GMPS: variants seen among roughly 807,000 people sequenced by gnomAD.
GMPS encodes the protein GMP synthase [glutamine-hydrolyzing].
GMPS carries 15 observed loss-of-function variants against 77.9 expected under a neutral mutation model. That is an observed-to-expected ratio of 0.19 (90% CI 0.13 to 0.30). GMPS has a LOEUF of 0.30. GMPS is among the 10% of genes least tolerant of loss of function. The pLI, the probability that GMPS is intolerant of heterozygous loss-of-function variation, is 1.00. For missense variants in GMPS, 590 were observed against 838.8 expected (o/e 0.70, Z 3.66); for synonymous variants, 224 against 275.9 (o/e 0.81, Z 1.86).
intron 2 of GMPS, among the ~76,000 whole-genome samples, chr3:155,897,400 A>C (rs1335258753): frequency 6.6e-6 from 1 of 152,214 alleles, no homozygotes; most frequent in Admixed American, 6.5e-5. Context: ...TCCTGGGCTC[A>C]GGGAAAATTG....
At chr3:155,877,466 AT>A (rs767988416) in intron 1 of GMPS, among the ~76,000 whole-genome samples, 2 of 151,922 alleles carry the variant, frequency 1.3e-5, no homozygotes, top group Non-Finnish European at 2.9e-5. Flanking sequence ...ATCACCCCCC[AT>A]TTGTACAGTC....
At chr3:155,872,527 T>G (rs1183557222) in intron 1 of GMPS, among the ~76,000 whole-genome samples, 1 of 152,232 alleles carries the variant, frequency 6.6e-6, no homozygotes, top group Non-Finnish European at 1.5e-5. Context: ...TTTATGGGCT[T>G]TGAAAAATAT....
chr3:155,922,339 A>T lies in GMPS; in HGVS notation c.1434+37A>T, dbSNP rs80273883. The stretch of plus-strand genomic sequence containing the variant: ...TACAGCTAATCATTACAAGAAATTG[A>T]ACGGATTCTTATTATATACCAGCAT... On this transcript the variant is annotated intron_variant, in intron 11 of 15. Transcript: ENST00000496455. 4,128 of 817,258 alleles carry T rather than the reference A, an allele frequency of 5.1e-3. 101 individuals carry two copies. In the African/African-American group the frequency reaches 0.061, roughly 12 times the overall value. The allele number at this position is 817,258 out of a possible 1,614,324, so 50.6% of individuals were successfully genotyped here. A position where few individuals can be genotyped will look rare whatever the true frequency, so the allele number is the denominator to read the frequency against.
chr3:155,870,705 T>A lies in GMPS; in HGVS notation c.-166T>A. On this transcript the variant is annotated 5_prime_UTR_variant, in exon 1 of 16. Coordinates refer to ENST00000496455, the MANE Select transcript of GMPS (RefSeq NM_003875.3). ...GGCGCTGGGGCCCGCGCTCCGCTGC[T>A]GTTGCTCCATTCGGCGCTTTTCTGG... 1.8e-6 allele frequency: 1 copy of A among 549,794 alleles called. No homozygotes were observed. Among genetic ancestry groups the A allele is most frequent in the Non-Finnish European group, 3.2e-6 (1 of 308,672 alleles). 34.1% of individuals were successfully genotyped at this position (549,794 alleles called of 1,614,324 possible). A position where few individuals can be genotyped will look rare whatever the true frequency, so the allele number is the denominator to read the frequency against.
chr3:155,929,410 T>C (rs1369034117), intron 12 of GMPS, among the ~76,000 whole-genome samples: 4 of 151,888 alleles, frequency 2.6e-5, no homozygotes, highest in South Asian at 2.1e-4. Flanking sequence ...CAATATCATA[T>C]TGAATGGGCA....
chr3:155,886,437 T>A (rs1754338487), intron 1 of GMPS, among the ~76,000 whole-genome samples: 2 of 150,974 alleles, frequency 1.3e-5, no homozygotes, highest in African/African-American at 4.9e-5. Flanking sequence ...TAGCCGGGCG[T>A]GGTGGCAGGT....
At chr3:155,911,852 AAAAG>A (rs1186541182) in intron 7 of GMPS, among the ~76,000 whole-genome samples, 1 of 152,008 alleles carries the variant, frequency 6.6e-6, no homozygotes, top group Non-Finnish European at 1.5e-5. Flanking sequence ...AAAAAAAAAA[AAAAG>A]AAATTATCTT....
chr3:155,880,348 A>C (rs1480504821), intron 1 of GMPS, among the ~76,000 whole-genome samples: 1 of 152,150 alleles, frequency 6.6e-6, no homozygotes, highest in Non-Finnish European at 1.5e-5. Flanking sequence ...ACCATGGCAG[A>C]GCTTGACCAT....
At chr3:155,881,170 T>G (rs954801995) in intron 1 of GMPS, among the ~76,000 whole-genome samples, 2 of 142,310 alleles carry the variant, frequency 1.4e-5, no homozygotes, top group African/African-American at 5.1e-5. Context: ...ATTAGTTTTT[T>G]TTTTTTTTTT....
At chr3:155,897,141 A>G (rs560663204) in intron 2 of GMPS, among the ~76,000 whole-genome samples, 1 of 152,290 alleles carries the variant, frequency 6.6e-6, no homozygotes, top group South Asian at 2.1e-4. Context: ...GAAATTCCAG[A>G]AATCTGAATT....
chr3:155,884,751 T>C (rs1476890214), intron 1 of GMPS, among the ~76,000 whole-genome samples: 1 of 152,228 alleles, frequency 6.6e-6, no homozygotes, highest in East Asian at 1.9e-4. Flanking sequence ...CCTGAGAAGA[T>C]AGAATTCATC....
At chr3:155,879,830 A>G (rs1162412607) in intron 1 of GMPS, among the ~76,000 whole-genome samples, 1 of 146,868 alleles carries the variant, frequency 6.8e-6, no homozygotes, top group East Asian at 2.0e-4. Flanking sequence ...TCCTGGGTTC[A>G]AGCAATTCTC....
At chr3:155,905,494 C>T (rs1382848013) in intron 4 of GMPS, among the ~76,000 whole-genome samples, 3 of 152,120 alleles carry the variant, frequency 2.0e-5, no homozygotes, top group Non-Finnish European at 4.4e-5. Context: ...TAGAGGTCCA[C>T]ATTGGTACTG....
chr3:155,898,459 TA>T (rs1754654424), intron 3 of GMPS, among the ~76,000 whole-genome samples: 1 of 152,330 alleles, frequency 6.6e-6, no homozygotes, highest in Non-Finnish European at 1.5e-5. Flanking sequence ...ACAGTACAAC[TA>T]TCCAGGTCAG....
rs183789257 is a variant in GMPS, at chr3:155,886,298, G to A, written c.28-7220G>A. 6.0e-5 allele frequency among the ~76,000 whole-genome samples: 9 copies of A among 150,548 alleles called. No homozygotes were observed. In the East Asian group the frequency reaches 1.8e-3, roughly 31 times the overall value. On this transcript the variant is annotated intron_variant, in intron 1 of 15. Transcript: ENST00000496455. ...ATATAAAAATCTAGCATGTCTGGCT[G>A]AGTGCGGTAGCTCACACCTGTAATC...
At position 155,939,292 on chromosome 3, in the gene GMPS, C is replaced by CTA. The variant is rs1285959293; in HGVS notation, c.*1601_*1602dup. On this transcript the variant is annotated 3_prime_UTR_variant, in exon 16 of 16. Transcript: ENST00000496455. ...GATTTAGAGTCATGTTATTTGAAAG[C>CTA]TAGAATAGACAACCTATAAAATGCT... is the stretch of plus-strand genomic sequence containing the variant. 1.4e-5 allele frequency: 3 copies of CTA among 216,216 alleles called. No individual in the cohort carries two copies. The East Asian group carries it at 2.1e-4, about 15-fold the overall frequency. 13.4% of individuals were successfully genotyped at this position (216,216 alleles called of 1,614,324 possible).
At chr3:155,870,155 T>C (rs1753863637), upstream of GMPS, among the ~76,000 whole-genome samples, 1 of 152,218 alleles carries the variant, frequency 6.6e-6, no homozygotes, top group East Asian at 1.9e-4. Context: ...ATCCTTGAGA[T>C]ATGGCCACGG....
In GMPS at chr3:155,942,024, A is replaced by G. The variant is rs369825197; in HGVS notation, c.*4332A>G. The G allele has an allele frequency of 1.3e-4, 26 of 205,768 alleles. No homozygotes were observed. Among genetic ancestry groups the G allele is most frequent in the African/African-American group, 5.0e-4 (22 of 43,958 alleles). 12.7% of individuals were successfully genotyped at this position (205,768 alleles called of 1,614,324 possible). On this transcript the variant is annotated 3_prime_UTR_variant, in exon 16 of 16. Coordinates refer to ENST00000496455, the MANE Select transcript of GMPS (RefSeq NM_003875.3). ...ATTACATAACCTGAGGAGTTAAAAAATACAATAACCAGATGTCCAATTAAA... is the reference window on the plus strand; with the variant it reads ...ATTACATAACCTGAGGAGTTAAAAAGTACAATAACCAGATGTCCAATTAAA...
chr3:155,870,999 C>A (rs1446160502), intron 1 of GMPS, 102 bp downstream of exon 1: 2 of 1,121,384 alleles, frequency 1.8e-6, no homozygotes, highest in East Asian at 3.2e-5. Flanking sequence ...TCCCCCAGCC[C>A]GTCCGCGCAG....
Sources: gnomAD v4.1 joint callset for allele counts (sites outside exome capture counted in the v4.1 genomes callset) on GRCh38, gnomAD v4.1.1 for gene constraint, MANE v1.5 for transcripts, NCBI Gene and HGNC (gene_info 2026-07-23, HGNC 2026-07-21) for gene names.